The following XYLT1 variants were observed in gnomAD, a reference collection of about 807,000 sequenced individuals.
XYLT1 encodes xylosyltransferase 1, also known as beta-D-xylosyltransferase 1.
XYLT1 carries 36 observed loss-of-function variants against 91.3 expected under a neutral mutation model. The ratio of observed to expected loss-of-function variants is 0.39; its 90% CI spans 0.30 to 0.52. XYLT1 has a LOEUF of 0.52. Among genes scored for constraint, XYLT1 ranks in the 20% least tolerant of loss-of-function variants. The pLI is 0.68. For missense variants in XYLT1, 1,242 were observed against 1,284.5 expected, an observed-to-expected ratio of 0.97 and a Z score of 0.51; for synonymous variants, 588 against 532.0, an observed-to-expected ratio of 1.11 and a Z score of -1.45.
chr16:17,419,694 T>A (rs1304334887), intron 1 of XYLT1, among the ~76,000 whole-genome samples: 1 of 150,330 alleles, frequency 6.7e-6, no homozygotes, highest in Non-Finnish European at 1.5e-5. Flanking sequence ...TGGGTTCAGA[T>A]TTCTAAAATA....
chr16:17,130,720 G>A (rs1029263051), intron 9 of XYLT1, among the ~76,000 whole-genome samples: 1 of 152,162 alleles, frequency 6.6e-6, no homozygotes, highest in African/African-American at 2.4e-5. Flanking sequence ...CTCTGCAGGA[G>A]CTTCCTTAAT....
intron 1 of XYLT1, among the ~76,000 whole-genome samples, chr16:17,365,320 T>C (rs1302309602): frequency 2.6e-5 from 4 of 152,136 alleles, no homozygotes; most frequent in African/African-American, 4.8e-5. Flanking sequence ...GATGTCCCCA[T>C]GGGATTTCAC....
chr16:17,441,874 TAA>T (rs1013942000), intron 1 of XYLT1, among the ~76,000 whole-genome samples: 36 of 152,196 alleles, frequency 2.4e-4, no homozygotes, highest in African/African-American at 7.2e-4. Context: ...GTCAAAGCGT[TAA>T]AGTTATTTTT....
intron 3 of XYLT1, among the ~76,000 whole-genome samples, chr16:17,222,642 T>C (rs1160623868): frequency 1.3e-5 from 2 of 151,524 alleles, no homozygotes; most frequent in African/African-American, 4.9e-5. Context: ...ATATAAAAAT[T>C]AGATGGGCAC....
chr16:17,425,975 T>A (rs1431862466), intron 1 of XYLT1, among the ~76,000 whole-genome samples: 2 of 152,204 alleles, frequency 1.3e-5, no homozygotes, highest in African/African-American at 4.8e-5. Flanking sequence ...ACGTGTATTT[T>A]GCCACGAGAT....
At chr16:17,429,297 GT>G (rs1220500210) in intron 1 of XYLT1, among the ~76,000 whole-genome samples, 3 of 152,214 alleles carry the variant, frequency 2.0e-5, no homozygotes, top group Non-Finnish European at 4.4e-5. Context: ...CACAAACAGA[GT>G]AAGGTAAGAG....
At chr16:17,157,366 C>T (rs1285258260) in intron 6 of XYLT1, among the ~76,000 whole-genome samples, 1 of 151,148 alleles carries the variant, frequency 6.6e-6, no homozygotes, top group South Asian at 2.1e-4. Context: ...CCACCAACAA[C>T]AGCAGTGAAG....
At position 17,171,918 on chromosome 16, in the gene XYLT1, A is replaced by T. The variant is rs561178383; in HGVS notation, c.1290-13009T>A. On this transcript the variant is annotated intron_variant, in intron 5 of 11. Coordinates refer to ENST00000261381, the MANE Select transcript of XYLT1 (RefSeq NM_022166.4). ...CCAGTTCTCCTTTAGGAGAGGAAGGAGGCTGGCATCTTACTCAATAGCAGA... is the reference window on the plus strand; with the variant it reads ...CCAGTTCTCCTTTAGGAGAGGAAGGTGGCTGGCATCTTACTCAATAGCAGA... Among the ~76,000 whole-genome samples the T allele has an allele frequency of 5.3e-5, 8 of 152,374 alleles. No homozygotes were observed. The East Asian group carries it at 1.4e-3, about 26-fold the overall frequency.
At chr16:17,171,746 T>C (rs1169135651) in intron 5 of XYLT1, among the ~76,000 whole-genome samples, 3 of 152,234 alleles carry the variant, frequency 2.0e-5, no homozygotes, top group Non-Finnish European at 4.4e-5. Flanking sequence ...GCTGGGCAGC[T>C]GGGGCCTCAA....
chr16:17,122,645 A>G (rs192428166), intron 10 of XYLT1, among the ~76,000 whole-genome samples: 1 of 152,332 alleles, frequency 6.6e-6, no homozygotes, highest in Non-Finnish European at 1.5e-5. Flanking sequence ...GTTCTTGGTC[A>G]TTAAGTCTTT....
intron 7 of XYLT1, 101 bp from the exon 8 acceptor site, chr16:17,138,632 C>CTGGT (rs2141516096): frequency 7.1e-7 from 1 of 1,406,618 alleles, no homozygotes; most frequent in Admixed American, 2.0e-5. Flanking sequence ...CATGTAAGAA[C>CTGGT]TGGTTGTTTA....
intron 2 of XYLT1, among the ~76,000 whole-genome samples, chr16:17,331,321 G>C (rs1158594380): frequency 1.3e-5 from 2 of 152,228 alleles, no homozygotes; most frequent in African/African-American, 4.8e-5. Flanking sequence ...GTCAGAACAA[G>C]GGTGGAGGCC....
At chr16:17,205,086 T>C (rs1043985581) in intron 3 of XYLT1, among the ~76,000 whole-genome samples, 5 of 151,744 alleles carry the variant, frequency 3.3e-5, no homozygotes, top group African/African-American at 9.7e-5. Flanking sequence ...TGACTTCAGA[T>C]GAATGTTAAC....
Position 17,297,788 on chromosome 16 carries a change from G to A in XYLT1, c.403-38290C>T, listed in dbSNP as rs867678710. Among the ~76,000 whole-genome samples the A allele has an allele frequency of 1.5e-4, 23 of 152,258 alleles. No homozygotes were observed. In the South Asian group the frequency reaches 3.1e-3, roughly 21 times the overall value. The stretch of plus-strand genomic sequence containing the variant: ...TGTAATCCCACCACTTTGGGAGGTC[G>A]AGGCGGGCAGATCATGAGGTCAGGA... On this transcript the variant is annotated intron_variant, in intron 2 of 11. Transcript: ENST00000261381.
intron 3 of XYLT1, among the ~76,000 whole-genome samples, chr16:17,210,784 G>C (rs1403634169): frequency 6.6e-6 from 1 of 152,104 alleles, no homozygotes; most frequent in Non-Finnish European, 1.5e-5. Flanking sequence ...ATTGAGTCAG[G>C]GGGGACTGTG....
chr16:17,451,530 T>G (rs554174840), intron 1 of XYLT1, among the ~76,000 whole-genome samples: 1 of 152,202 alleles, frequency 6.6e-6, no homozygotes. Context: ...TGGCACCTAG[T>G]AGGCTCTTGG....
At position 17,160,944 on chromosome 16, in the gene XYLT1, C is replaced by T. The variant is rs532242949; in HGVS notation, c.1290-2035G>A. 7.2e-4 allele frequency among the ~76,000 whole-genome samples: 109 copies of T among 152,324 alleles called. 1 individual carries two copies. Among genetic ancestry groups the T allele is most frequent in the African/African-American group, 2.6e-3 (107 of 41,580 alleles). ...ATTTACCAACCCCCTCACCACTCTC[C>T]GCAACAGTTCATTATTGTTGTCCTG... On this transcript the variant is annotated intron_variant, in intron 5 of 11. Transcript: ENST00000261381.
At chr16:17,241,578 G>A (rs909456780) in intron 3 of XYLT1, among the ~76,000 whole-genome samples, 2 of 152,148 alleles carry the variant, frequency 1.3e-5, no homozygotes, top group East Asian at 1.9e-4. Context: ...TTTGCAAAAC[G>A]AAAAAGTTCT....
chr16:17,314,998 C>A (rs2034605731), intron 2 of XYLT1, among the ~76,000 whole-genome samples: 1 of 152,158 alleles, frequency 6.6e-6, no homozygotes, highest in Non-Finnish European at 1.5e-5. Flanking sequence ...CTGAAAGAGG[C>A]ATGAGGAGCC....
Sources: allele counts gnomAD v4.1 joint callset (sites outside exome capture counted in the v4.1 genomes callset), GRCh38; gene constraint gnomAD v4.1.1; transcripts MANE v1.5; gene names NCBI Gene and HGNC (gene_info 2026-07-23, HGNC 2026-07-21).